ASTN2: variants seen among roughly 807,000 people sequenced by gnomAD.
The protein encoded by ASTN2 is astrotactin 2.
A neutral mutation model predicts 139.8 loss-of-function variants in ASTN2; 54 were observed. The ratio of observed to expected loss-of-function variants is 0.39; its 90% CI spans 0.31 to 0.48. The LOEUF is 0.48. Ranked by LOEUF, ASTN2 falls within the 20% of genes least tolerant of loss-of-function variation. The probability of loss-of-function intolerance (pLI) is 0.95; values close to 1 mark genes in which losing one functional copy is unlikely to be tolerated. For synonymous variants in ASTN2, 756 were observed against 719.5 expected (o/e 1.05, Z -0.81); for missense variants, 1,565 against 1,725.1 (o/e 0.91, Z 1.64).
At chr9:116,686,585 G>A in intron 16 of ASTN2, 3 of 1,111,496 alleles carry the variant, frequency 2.7e-6, no homozygotes, top group Middle Eastern at 2.9e-4. Context: ...GTCCTTGCCA[G>A]ATGCCTAGTG....
intron 16 of ASTN2, among the ~76,000 whole-genome samples, chr9:116,680,192 A>G (rs1230121836): frequency 6.6e-6 from 1 of 152,190 alleles, no homozygotes; most frequent in Non-Finnish European, 1.5e-5. Flanking sequence ...TAAAGGGGAT[A>G]TCACCACCGA....
In ASTN2 at chr9:116,999,548, C is replaced by CTTTTTTTTTTTTTTTTTTTTTTT. The variant is rs71379248; in HGVS notation, c.1591+8521_1591+8543dup. Among the ~76,000 whole-genome samples the CTTTTTTTTTTTTTTTTTTTTTTT allele has an allele frequency of 9.5e-5, 9 of 94,964 alleles. 1 individual carries two copies. The highest frequency in any genetic ancestry group is 1.5e-4 in the African/African-American group (3 of 20,376). The allele number at this position is 94,964 out of a possible 152,430, so 62.3% of individuals were successfully genotyped here. A position where few individuals can be genotyped will look rare whatever the true frequency, so the allele number is the denominator to read the frequency against. Reference sequence around the variant, plus strand: ...TTCCTCTTTCTTTCTTTCTCTCTTTCTTTTTTTTTTTTTTTTTTTTTTTTT... The same window carrying CTTTTTTTTTTTTTTTTTTTTTTT: ...TTCCTCTTTCTTTCTTTCTCTCTTTCTTTTTTTTTTTTTTTTTTTTTTTTTTTTTTTTTTTTTTTTTTTTTTTT... On this transcript the variant is annotated intron_variant, in intron 7 of 22. Coordinates refer to ENST00000313400, the MANE Select transcript of ASTN2 (RefSeq NM_001365068.1).
intron 10 of ASTN2, among the ~76,000 whole-genome samples, chr9:116,951,273 G>A: frequency 7.0e-6 from 1 of 143,148 alleles, no homozygotes; most frequent in Non-Finnish European, 1.5e-5. Context: ...GGAGGCAGAG[G>A]TTGCAGTGAG....
chr9:116,594,621 T>C (rs955222489), intron 19 of ASTN2, among the ~76,000 whole-genome samples: 1 of 152,148 alleles, frequency 6.6e-6, no homozygotes, highest in African/African-American at 2.4e-5. Context: ...TCATTGGATG[T>C]CATTTCCATC....
At chr9:116,659,443 A>G (rs1231773278) in intron 16 of ASTN2, among the ~76,000 whole-genome samples, 1 of 152,176 alleles carries the variant, frequency 6.6e-6, no homozygotes, top group Non-Finnish European at 1.5e-5. Context: ...CCACAGCCCC[A>G]AAGACAGTTG....
rs190034419 is a variant in ASTN2 at position 117,237,928 on chromosome 9, G to A, written c.631-23186C>T. 4.6e-4 allele frequency among the ~76,000 whole-genome samples: 70 copies of A among 152,256 alleles called. 1 individual carries two copies. Among genetic ancestry groups the A allele is most frequent in the Admixed American group, 4.6e-3 (70 of 15,312 alleles). Reference sequence around the variant, plus strand: ...TGCTTCCTCCCTCCTACTCATAGATGGCTGCTGCTCTCAGGCTAGCTCAAC... The same window carrying A: ...TGCTTCCTCCCTCCTACTCATAGATAGCTGCTGCTCTCAGGCTAGCTCAAC... On this transcript the variant is annotated intron_variant, in intron 2 of 22. Coordinates refer to ENST00000313400, the MANE Select transcript of ASTN2 (RefSeq NM_001365068.1).
intron 11 of ASTN2, among the ~76,000 whole-genome samples, chr9:116,829,303 A>G (rs1287247860): frequency 6.6e-6 from 1 of 150,816 alleles, no homozygotes; most frequent in Non-Finnish European, 1.5e-5. Flanking sequence ...TGGTATAAAA[A>G]TAGGCAACTA....
intron 1 of ASTN2, among the ~76,000 whole-genome samples, chr9:117,395,919 A>C (rs989871128): frequency 2.0e-5 from 3 of 152,238 alleles, no homozygotes; most frequent in Non-Finnish European, 2.9e-5. Flanking sequence ...TCTATAGAAC[A>C]TTCCTGGTCT....
chr9:117,414,713 G>C lies in ASTN2; in HGVS notation c.226C>G (p.Leu76Val). 1.6e-6 allele frequency: 2 copies of C among 1,272,340 alleles called. No individual in the cohort carries two copies. Among genetic ancestry groups the C allele is most frequent in the Non-Finnish European group, 2.0e-6 (2 of 1,009,278 alleles). 78.8% of individuals were successfully genotyped at this position (1,272,340 alleles called of 1,614,324 possible). The change falls in exon 1 of 23, where the codon CTG becomes GTG. Residue 76 changes from leucine to valine, a missense_variant. Around this residue, in one of 4 missense-constraint regions of ASTN2, gnomAD observed 596 missense variants for 576.8 expected, o/e 1.03. Transcript: ENST00000313400. The surrounding 1 kb of genome is among the most constrained non-coding windows in gnomAD (Gnocchi z 4.2). ...KTVTVSTLPALRESDIGWSGA... is the reference protein window; with the variant it reads ...KTVTVSTLPAVRESDIGWSGA... ...CTCCAGCCGATGTCGCTCTCCCGCA[G>C]GGCGGGCAGTGTGGACACCGTGACG...
At chr9:117,011,993 G>A (rs1588479246) in intron 6 of ASTN2, among the ~76,000 whole-genome samples, 1 of 152,204 alleles carries the variant, frequency 6.6e-6, no homozygotes, top group South Asian at 2.1e-4. Flanking sequence ...TTCTCTCATA[G>A]ACCGTGATTT....
intron 3 of ASTN2, chr9:117,197,307 G>A (rs930894053): frequency 1.3e-5 from 2 of 152,154 alleles, no homozygotes; most frequent in Non-Finnish European, 2.9e-5. Flanking sequence ...TTAGTCAAGG[G>A]TATATGAGTA....
intron 16 of ASTN2, among the ~76,000 whole-genome samples, chr9:116,664,809 T>C (rs1453962501): frequency 6.6e-6 from 1 of 152,202 alleles, no homozygotes; most frequent in African/African-American, 2.4e-5. Context: ...CAAAATGATC[T>C]GCGAATCTAG....
chr9:116,462,322 G>C (rs1848512614), intron 20 of ASTN2, among the ~76,000 whole-genome samples: 1 of 152,192 alleles, frequency 6.6e-6, no homozygotes, highest in Non-Finnish European at 1.5e-5. Flanking sequence ...GTGAGCTTCA[G>C]CAACTTGCCC....
intron 2 of ASTN2, among the ~76,000 whole-genome samples, chr9:117,261,360 A>C (rs1833817637): frequency 6.6e-6 from 1 of 152,208 alleles, no homozygotes; most frequent in Non-Finnish European, 1.5e-5. Context: ...CATGCCTAGT[A>C]AATGCTTTAG....
chr9:117,076,407 AGAGG>A (rs1828281721), intron 5 of ASTN2, among the ~76,000 whole-genome samples: 1 of 151,930 alleles, frequency 6.6e-6, no homozygotes, highest in Non-Finnish European at 1.5e-5. Flanking sequence ...AAGGAGAAAA[AGAGG>A]GGGGGATAGA....
At chr9:117,060,488 T>A (rs10122921) in intron 5 of ASTN2, among the ~76,000 whole-genome samples, 1,736 of 29,352 alleles carry the variant, frequency 0.059, 115 homozygotes, top group South Asian at 0.18. Context: ...AAGGAAGGAA[T>A]GAAAGAAAGA....
At chr9:117,043,636 C>T (rs1188885650) in intron 5 of ASTN2, among the ~76,000 whole-genome samples, 1 of 152,088 alleles carries the variant, frequency 6.6e-6, no homozygotes, top group African/African-American at 2.4e-5. Flanking sequence ...TGGCTGGGCA[C>T]AGTGGCTCAC....
chr9:117,394,052 T>C (rs549459021), intron 1 of ASTN2, among the ~76,000 whole-genome samples: 65 of 152,344 alleles, frequency 4.3e-4, no homozygotes, highest in Non-Finnish European at 7.6e-4. Context: ...TGGTGTCTTT[T>C]CAAAATAAAT....
intron 1 of ASTN2, among the ~76,000 whole-genome samples, chr9:117,311,092 C>A (rs1280782518): frequency 6.6e-6 from 1 of 152,196 alleles, no homozygotes; most frequent in African/African-American, 2.4e-5. Flanking sequence ...TTGCATTCAT[C>A]TCCTCAGCCT....
Sources: allele counts gnomAD v4.1 joint callset (sites outside exome capture counted in the v4.1 genomes callset), GRCh38; gene constraint gnomAD v4.1.1; regional missense constraint gnomAD v4.1.1; non-coding constraint Gnocchi (gnomAD v3.1); transcripts MANE v1.5; gene names NCBI Gene and HGNC (gene_info 2026-07-23, HGNC 2026-07-21).